STK40: variants seen among roughly 807,000 people sequenced by gnomAD.
The protein encoded by STK40 is serine/threonine-protein kinase 40.
In STK40, 13 loss-of-function variants were observed where a neutral mutation model predicts 47.9. The observed-to-expected ratio is 0.27, with a 90% confidence interval of 0.18 to 0.43. The LOEUF (loss-of-function observed/expected upper bound fraction) is 0.43. STK40 is among the 20% of genes least tolerant of loss of function. The pLI, the probability that STK40 is intolerant of heterozygous loss-of-function variation, is 1.00. For missense variants in STK40, 460 were observed against 595.1 expected, an observed-to-expected ratio of 0.77 and a Z score of 2.36; for synonymous variants, 225 against 243.2, an observed-to-expected ratio of 0.93 and a Z score of 0.69.
At chr1:36,361,841 G>A (rs1646855056) in intron 1 of STK40, among the ~76,000 whole-genome samples, 1 of 152,156 alleles carries the variant, frequency 6.6e-6, no homozygotes, top group South Asian at 2.1e-4. Flanking sequence ...CCCAGGAATG[G>A]GATGCTTGTT....
At chr1:36,358,853 T>C in intron 2 of STK40, 31 bp from the exon 3 acceptor site, 1 of 1,613,966 alleles carries the variant, frequency 6.2e-7, no homozygotes, top group Non-Finnish European at 8.5e-7. Context: ...GGTCTACTTT[T>C]CAGAAGCCCT....
Position 36,358,344 on chromosome 1 carries a change from C to G in STK40, c.237G>C (p.Glu79Asp), listed in dbSNP as rs1557513872. Residue 79 changes from glutamate (E) to aspartate (D), a missense_variant, in exon 4 of 11, where the codon GAG becomes GAC. Glu to Asp is a conservative substitution (Grantham distance 45). Transcript: ENST00000373132. ...TLEERGDQGI[E>D]SQEERQGKML... ...TCTTGCCCTGCCGCTCTTCCTGGCT[C>G]TCTATGCCTTGGTCCCCCCTCTCCT... The G allele has an allele frequency of 2.5e-6, 4 of 1,608,910 alleles. No homozygotes were observed. Among genetic ancestry groups the G allele is most frequent in the Non-Finnish European group, 3.4e-6 (4 of 1,175,566 alleles).
intron 1 of STK40, among the ~76,000 whole-genome samples, chr1:36,377,348 C>T (rs951648578): frequency 2.6e-5 from 4 of 151,384 alleles, no homozygotes; most frequent in African/African-American, 9.7e-5. Context: ...GCCTGGCCAA[C>T]ATGGTAAAAC....
intron 3 of STK40, 149 bp from the exon 4 acceptor site, chr1:36,358,531 AAT>A: frequency 8.0e-7 from 1 of 1,255,264 alleles, no homozygotes; most frequent in Non-Finnish European, 1.1e-6. Context: ...CGTTTTTCTT[AAT>A]ATGATGGTGA....
intron 1 of STK40, among the ~76,000 whole-genome samples, chr1:36,371,706 A>AG (rs1646949178): frequency 6.7e-6 from 1 of 148,828 alleles, no homozygotes; most frequent in Non-Finnish European, 1.5e-5. Flanking sequence ...AAAAAAAAAA[A>AG]AAAAAAGGAC....
rs774307640 is a variant in STK40 at position 36,358,358 on chromosome 1, C to T, written c.223G>A (p.Asp75Asn). 4 of 1,604,090 alleles carry T rather than the reference C, an allele frequency of 2.5e-6. No individual in the cohort carries two copies. The highest frequency in any genetic ancestry group is 3.4e-6 in the Non-Finnish European group (4 of 1,171,774). ...LKILTLEERG[D>N]QGIESQEERQ... is the part of the protein sequence containing the mutation. ...TCTTCCTGGCTCTCTATGCCTTGGT[C>T]CCCCCTCTCCTCCAGGGTCAGGATC... The change falls in exon 4 of 11, where the codon GAC becomes AAC. Residue 75 changes from aspartate to asparagine, a missense_variant. Around this residue, in one of 3 missense-constraint regions of STK40, gnomAD observed 277 missense variants for 358.7 expected, o/e 0.77. Transcript: ENST00000373132.
At chr1:36,344,568 G>C (rs1284685354) in intron 7 of STK40, among the ~76,000 whole-genome samples, 1 of 152,202 alleles carries the variant, frequency 6.6e-6, no homozygotes, top group Non-Finnish European at 1.5e-5. Flanking sequence ...ACAAGCAGGG[G>C]GTCAAGAACA....
chr1:36,367,682 T>C (rs574071365), intron 1 of STK40, among the ~76,000 whole-genome samples: 60 of 148,132 alleles, frequency 4.1e-4, no homozygotes, highest in Non-Finnish European at 6.6e-4. Context: ...AAGATGGCAC[T>C]GAGCAGATGA....
At chr1:36,368,857 T>C (rs1048096453) in intron 1 of STK40, among the ~76,000 whole-genome samples, 1 of 152,236 alleles carries the variant, frequency 6.6e-6, no homozygotes, top group Non-Finnish European at 1.5e-5. Context: ...GCAAATTGCA[T>C]TGTGGTTCTA....
rs773672680 is a variant in STK40, at chr1:36,355,251, C to T, written c.525G>A (p.Val175=). Residue 175 remains valine (V), a synonymous_variant, in exon 5 of 11, where the codon GTG becomes GTA. Coordinates refer to ENST00000373132, the MANE Select transcript of STK40 (RefSeq NM_001282547.2). Reference sequence around the variant, plus strand: ...CGCGGACCACGTCGTAGAAGATTACCACAGTCTCCCTCTCGCTGAGCCTCT... The same window carrying T: ...CGCGGACCACGTCGTAGAAGATTACTACAGTCTCCCTCTCGCTGAGCCTCT... ...KEKRLSERET[V]VIFYDVVRVV... 3.1e-6 allele frequency: 5 copies of T among 1,614,010 alleles called. No homozygotes were observed. In the South Asian group the frequency reaches 4.4e-5, roughly 14 times the overall value.
chr1:36,374,690 C>T (rs1646977224), intron 1 of STK40, among the ~76,000 whole-genome samples: 2 of 152,204 alleles, frequency 1.3e-5, no homozygotes, highest in African/African-American at 4.8e-5. Context: ...GAGAGGTAGC[C>T]TGGGAAAGCA....
In STK40 at chr1:36,355,272, C is replaced by G. The variant is rs929950485; in HGVS notation, c.504G>C (p.Arg168Ser). 6.2e-7 allele frequency: 1 copy of G among 1,614,122 alleles called. No homozygotes were observed. The highest frequency in any genetic ancestry group is 8.5e-7 in the Non-Finnish European group (1 of 1,180,036). ...TTACCACAGTCTCCCTCTCGCTGAGCCTCTTCTCCTTGATGACGTAGTGCT... is the reference window on the plus strand; with the variant it reads ...TTACCACAGTCTCCCTCTCGCTGAGGCTCTTCTCCTTGATGACGTAGTGCT... ...NLQHYVIKEK[R>S]LSERETVVIF... Residue 168 changes from arginine to serine, a missense_variant, in exon 5 of 11, where the codon AGG (arginine) becomes AGC (serine). Arg to Ser is a moderately radical substitution (Grantham distance 110). Transcript: ENST00000373132.
chr1:36,356,872 A>G (rs1221792799), intron 4 of STK40, among the ~76,000 whole-genome samples: 2 of 152,208 alleles, frequency 1.3e-5, no homozygotes, highest in African/African-American at 4.8e-5. Flanking sequence ...GCTTCTGAAG[A>G]TATCACAGAC....
chr1:36,355,539 C>G, intron 4 of STK40, 106 bp from the exon 5 acceptor site: 1 of 1,238,852 alleles, frequency 8.1e-7, no homozygotes. Flanking sequence ...AGTGAGGGAG[C>G]CTGGAATTAG....
chr1:36,372,965 A>G (rs1646963241), intron 1 of STK40, among the ~76,000 whole-genome samples: 1 of 152,146 alleles, frequency 6.6e-6, no homozygotes, highest in Non-Finnish European at 1.5e-5. Flanking sequence ...AGTCCAGGAA[A>G]CCCAGAGGAA....
intron 1 of STK40, among the ~76,000 whole-genome samples, chr1:36,374,105 G>A (rs1646972198): frequency 6.6e-6 from 1 of 152,256 alleles, no homozygotes; most frequent in Non-Finnish European, 1.5e-5. Flanking sequence ...GGCCAGGCAG[G>A]GCCTGAAAGT....
chr1:36,350,649 G>C (rs962778059), intron 6 of STK40, among the ~76,000 whole-genome samples: 6 of 152,244 alleles, frequency 3.9e-5, no homozygotes, highest in Admixed American at 3.3e-4. Flanking sequence ...GCAAATAGTA[G>C]AAGCTGGTGT....
chr1:36,367,843 A>G, intron 1 of STK40: 1 of 985,614 alleles, frequency 1.0e-6, no homozygotes. Context: ...CATGCTGGCA[A>G]TTACCTACTT....
At chr1:36,383,682 C>T (rs373118841) in intron 1 of STK40, among the ~76,000 whole-genome samples, 30 of 152,286 alleles carry the variant, frequency 2.0e-4, no homozygotes, top group African/African-American at 6.7e-4. Context: ...CACTTGCTCC[C>T]GGCTGCCCTG....
Sources: allele counts gnomAD v4.1 joint callset (sites outside exome capture counted in the v4.1 genomes callset), GRCh38; gene constraint gnomAD v4.1.1; regional missense constraint gnomAD v4.1.1; transcripts MANE v1.5; gene names NCBI Gene and HGNC (gene_info 2026-07-23, HGNC 2026-07-21).